Variants in CHD9 observed in about 807,000 individuals in gnomAD.
The protein encoded by CHD9 is ATP-dependent chromatin remodeler CHD9.
A neutral mutation model predicts 316.1 loss-of-function variants in CHD9; 77 were observed. That is an observed-to-expected ratio of 0.24 (90% CI 0.20 to 0.29). The LOEUF is 0.29. Ranked by LOEUF, CHD9 falls within the 10% of genes least tolerant of loss-of-function variation. The probability of loss-of-function intolerance (pLI) is 1.00; values close to 1 mark genes in which losing one functional copy is unlikely to be tolerated. For synonymous variants in CHD9, 1,129 were observed against 1,158.3 expected, an observed-to-expected ratio of 0.97 and a Z score of 0.51; for missense variants, 2,763 against 3,438.1, an observed-to-expected ratio of 0.80 and a Z score of 4.91.
At chr16:53,272,503 A>G (rs1487095643) in intron 22 of CHD9, among the ~76,000 whole-genome samples, 1 of 152,164 alleles carries the variant, frequency 6.6e-6, no homozygotes, top group Non-Finnish European at 1.5e-5. Context: ...TCAAAACTGC[A>G]TTATTAATAA....
At chr16:53,233,618 C>T (rs1055831284) in intron 10 of CHD9, among the ~76,000 whole-genome samples, 3 of 152,070 alleles carry the variant, frequency 2.0e-5, no homozygotes, top group African/African-American at 7.2e-5. Flanking sequence ...TCCTCCCCTC[C>T]TCCCCTCCTT....
chr16:53,067,005 C>T (rs1168519762), intron 1 of CHD9, among the ~76,000 whole-genome samples: 1 of 152,180 alleles, frequency 6.6e-6, no homozygotes, highest in African/African-American at 2.4e-5. Context: ...TGCAATGGTG[C>T]GATCTTGGCT....
chr16:53,180,665 T>A (rs1365866951), intron 2 of CHD9, among the ~76,000 whole-genome samples: 1 of 152,014 alleles, frequency 6.6e-6, no homozygotes, highest in African/African-American at 2.4e-5. Context: ...TCTCTTTTTT[T>A]ATTTTTTTAA....
intron 22 of CHD9, among the ~76,000 whole-genome samples, chr16:53,273,270 C>G (rs1205444659): frequency 6.6e-6 from 1 of 151,902 alleles, no homozygotes; most frequent in Non-Finnish European, 1.5e-5. Context: ...TTTTGAAAAG[C>G]AAGAGTAGAG....
chr16:53,076,317 G>A (rs2034520391), intron 1 of CHD9, among the ~76,000 whole-genome samples: 1 of 152,144 alleles, frequency 6.6e-6, no homozygotes, highest in South Asian at 2.1e-4. Context: ...GCTCTCGCCT[G>A]TAATCACAGC....
At chr16:53,071,742 C>CG (rs1225054432) in intron 1 of CHD9, among the ~76,000 whole-genome samples, 1 of 152,134 alleles carries the variant, frequency 6.6e-6, no homozygotes, top group Admixed American at 6.6e-5. Context: ...GCTCACCCTG[C>CG]GGGGATTTTG....
intron 4 of CHD9, among the ~76,000 whole-genome samples, chr16:53,224,941 T>G (rs2047525378): frequency 6.6e-6 from 1 of 152,158 alleles, no homozygotes; most frequent in Non-Finnish European, 1.5e-5. Context: ...TTTTTATATG[T>G]CACCAGGCTG....
chr16:53,088,418 C>T (rs2035659830), intron 1 of CHD9, among the ~76,000 whole-genome samples: 1 of 151,772 alleles, frequency 6.6e-6, no homozygotes, highest in Middle Eastern at 3.2e-3. Context: ...GCTGGGACTA[C>T]AGATGCCTGC....
chr16:53,270,887 T>C (rs576797747), intron 22 of CHD9, among the ~76,000 whole-genome samples: 1 of 152,118 alleles, frequency 6.6e-6, no homozygotes, highest in African/African-American at 2.4e-5. Flanking sequence ...CAAAGCGGTT[T>C]AAAAAAAGGC....
rs367615985 is a variant in CHD9 at position 53,314,531 on chromosome 16, A to G, written c.7362+15A>G. ...CACCTAATCATGTAAGTAAAGCAGT[A>G]CTTAAAAACTGATCCTTGAATTCAA... On this transcript the variant is annotated intron_variant, in intron 35 of 38. Transcript: ENST00000447540. 246 of 1,532,108 alleles carry G rather than the reference A, an allele frequency of 1.6e-4. 1 individual carries two copies. Among genetic ancestry groups the G allele is most frequent in the Admixed American group, 4.0e-4 (18 of 44,930 alleles). 94.9% of individuals were successfully genotyped at this position (1,532,108 alleles called of 1,614,324 possible).
At chr16:53,255,176 G>C (rs962531473) in intron 18 of CHD9, among the ~76,000 whole-genome samples, 3 of 152,094 alleles carry the variant, frequency 2.0e-5, no homozygotes, top group Admixed American at 6.6e-5. Flanking sequence ...GGGCATAATG[G>C]TGCATGCCTG....
chr16:53,149,405 G>A (rs1392423272), intron 1 of CHD9, among the ~76,000 whole-genome samples: 1 of 152,008 alleles, frequency 6.6e-6, no homozygotes, highest in Non-Finnish European at 1.5e-5. Context: ...AGAATTATTT[G>A]TTTTTCCCAT....
At chr16:53,197,883 A>G (rs1036960975) in intron 2 of CHD9, among the ~76,000 whole-genome samples, 7 of 151,834 alleles carry the variant, frequency 4.6e-5, no homozygotes, top group African/African-American at 1.7e-4. Flanking sequence ...GTCTCGAACT[A>G]CTGACCTCAG....
intron 1 of CHD9, among the ~76,000 whole-genome samples, chr16:53,129,346 G>A (rs138876793): frequency 3.3e-4 from 51 of 152,272 alleles, no homozygotes; most frequent in African/African-American, 1.2e-3. Context: ...AAGTGGTGTG[G>A]GGGGCCCCAG....
At chr16:53,151,628 T>TC (rs1261344651) in intron 1 of CHD9, among the ~76,000 whole-genome samples, 6 of 152,202 alleles carry the variant, frequency 3.9e-5, no homozygotes. Flanking sequence ...CTTCAAGTCT[T>TC]CAAGTTTGCT....
intron 1 of CHD9, among the ~76,000 whole-genome samples, chr16:53,101,273 CTTTTTTT>C (rs1012377760): frequency 4.0e-5 from 5 of 124,856 alleles, no homozygotes; most frequent in African/African-American, 9.0e-5. Flanking sequence ...TTTTCCTTTT[CTTTTTTT>C]TTTTTTTTTT....
chr16:53,189,566 T>C (rs1008687093), intron 2 of CHD9, among the ~76,000 whole-genome samples: 6 of 151,638 alleles, frequency 4.0e-5, no homozygotes, highest in Non-Finnish European at 7.4e-5. Context: ...TATTTTTTTT[T>C]CCTGGATTAG....
chr16:53,215,274 C>T (rs996744616), intron 3 of CHD9, among the ~76,000 whole-genome samples: 5 of 152,156 alleles, frequency 3.3e-5, no homozygotes, highest in Admixed American at 3.3e-4. Context: ...CTGATTAATA[C>T]GTAGCTAACA....
intron 2 of CHD9, among the ~76,000 whole-genome samples, chr16:53,205,165 T>C (rs73597657): frequency 0.032 from 4,937 of 152,286 alleles, 99 homozygotes; most frequent in Middle Eastern, 0.072. Context: ...TACAAGCTCA[T>C]GGGGAGCAAG....
Sources: allele counts gnomAD v4.1 joint callset (sites outside exome capture counted in the v4.1 genomes callset), GRCh38; gene constraint gnomAD v4.1.1; transcripts MANE v1.5; gene names NCBI Gene and HGNC (gene_info 2026-07-23, HGNC 2026-07-21).